YEATS2: variants seen among roughly 807,000 people sequenced by gnomAD.
YEATS2 encodes the protein YEATS domain containing 2.
YEATS2 carries 77 observed loss-of-function variants against 163.2 expected under a neutral mutation model. That is an observed-to-expected ratio of 0.47 (90% CI 0.39 to 0.57). The LOEUF is 0.57. Ranked by LOEUF, YEATS2 falls within the 20% of genes least tolerant of loss-of-function variation. The pLI, the probability that YEATS2 is intolerant of heterozygous loss-of-function variation, is 0.00. For missense variants in YEATS2, 1,549 were observed against 1,729.8 expected (o/e 0.90, Z 1.85); for synonymous variants, 631 against 645.1 (o/e 0.98, Z 0.33).
chr3:183,725,041 CT>C (rs62826962), intron 6 of YEATS2, among the ~76,000 whole-genome samples: 11,184 of 87,498 alleles, frequency 0.13, 517 homozygotes, highest in East Asian at 0.26. Flanking sequence ...CCGTGCCGGC[CT>C]TTTTTTTTTT....
At chr3:183,775,589 G>A (rs931198302) in intron 17 of YEATS2, among the ~76,000 whole-genome samples, 5 of 152,114 alleles carry the variant, frequency 3.3e-5, no homozygotes, top group Admixed American at 2.0e-4. Flanking sequence ...GTGAGACTCC[G>A]TCTCAAAAAA....
chr3:183,782,099 GTTAATTTT>G (rs1178200164), intron 19 of YEATS2, among the ~76,000 whole-genome samples: 1 of 151,860 alleles, frequency 6.6e-6, no homozygotes, highest in South Asian at 2.1e-4. Flanking sequence ...TTATTCTTGA[GTTAATTTT>G]TTAATTTTTT....
intron 1 of YEATS2, among the ~76,000 whole-genome samples, chr3:183,707,156 A>G (rs1050273865): frequency 3.3e-5 from 5 of 152,206 alleles, no homozygotes; most frequent in Non-Finnish European, 5.9e-5. Context: ...TTCTGGTCCC[A>G]GGCATCTTGG....
rs1721405930 is a variant in YEATS2 at position 183,762,010 on chromosome 3, T to C, written c.1765-87T>C. On this transcript the variant is annotated intron_variant, in intron 14 of 30. Transcript: ENST00000305135. ...CAAGTTTCATCAATTCATTAATCCC[T>C]GCAAACGGAGAAGAGTCAGATATTA... The C allele has an allele frequency of 3.8e-6, 6 of 1,562,572 alleles. No individual in the cohort carries two copies. The Admixed American group carries it at 6.7e-5, about 18-fold the overall frequency.
intron 9 of YEATS2, 50 bp from the exon 10 acceptor site, chr3:183,752,023 T>G: frequency 6.2e-7 from 1 of 1,601,010 alleles, no homozygotes; most frequent in Non-Finnish European, 8.5e-7. Context: ...TTGAGCTTTC[T>G]GTGACATTGA....
intron 16 of YEATS2, among the ~76,000 whole-genome samples, 189 bp downstream of exon 16, chr3:183,772,752 T>C (rs1722598405): frequency 7.3e-6 from 1 of 137,492 alleles, no homozygotes; most frequent in South Asian, 2.3e-4. Flanking sequence ...TATTTAGCTT[T>C]AAATTTACAC....
In YEATS2 at chr3:183,716,021, G is replaced by A. The variant is rs150346897; in HGVS notation, c.100+759G>A. 1.7e-3 allele frequency among the ~76,000 whole-genome samples: 257 copies of A among 152,034 alleles called. 2 individuals are homozygous for A. Among genetic ancestry groups the A allele is most frequent in the African/African-American group, 5.5e-3 (230 of 41,504 alleles). On this transcript the variant is annotated intron_variant, in intron 2 of 30. Transcript: ENST00000305135. ...GTCCCCCAGGCTGGAGTGCAGTGGC[G>A]TGATCTCGGCTCACTGCAAGCTCTG...
chr3:183,797,792 G>C, intron 21 of YEATS2, 131 bp from the exon 22 acceptor site: 1 of 1,107,632 alleles, frequency 9.0e-7, no homozygotes, highest in South Asian at 1.5e-5. Flanking sequence ...CCTGCTTCTT[G>C]CTCTTTGTTT....
chr3:183,749,974 C>T (rs544317924), intron 9 of YEATS2, among the ~76,000 whole-genome samples: 9 of 152,102 alleles, frequency 5.9e-5, no homozygotes, highest in Admixed American at 2.6e-4. Flanking sequence ...CCTGCCACCA[C>T]GCCCGGCTAA....
At chr3:183,800,672 G>A in intron 24 of YEATS2, 104 bp downstream of exon 24, 1 of 892,256 alleles carries the variant, frequency 1.1e-6, no homozygotes, top group Non-Finnish European at 1.8e-6. Context: ...CTAAGCCCTT[G>A]ACGGGAGGAA....
In YEATS2 at chr3:183,804,658, A is replaced by G. The variant is rs1264943578; in HGVS notation, c.3784+470A>G. 2.6e-5 allele frequency among the ~76,000 whole-genome samples: 4 copies of G among 152,296 alleles called. No individual in the cohort carries two copies. In the South Asian group the frequency reaches 8.3e-4, roughly 32 times the overall value. On this transcript the variant is annotated intron_variant, in intron 27 of 30. Coordinates refer to ENST00000305135, the MANE Select transcript of YEATS2 (RefSeq NM_018023.5). ...CGGGAGGCACTTGTGAAAACTAGTA[A>G]TGTTGCAGGTGAAATGAATTGTTTC...
intron 7 of YEATS2, among the ~76,000 whole-genome samples, chr3:183,729,396 C>T (rs1247547458): frequency 6.6e-6 from 1 of 152,058 alleles, no homozygotes; most frequent in Admixed American, 6.5e-5. Flanking sequence ...CCTCTGGAAA[C>T]AGCTAAACTT....
intron 16 of YEATS2, among the ~76,000 whole-genome samples, chr3:183,773,190 A>G (rs528652978): frequency 1.4e-3 from 209 of 152,328 alleles, no homozygotes; most frequent in African/African-American, 4.8e-3. Flanking sequence ...GGCCAATGGT[A>G]CTTGCCAGTT....
intron 13 of YEATS2, among the ~76,000 whole-genome samples, chr3:183,760,485 G>A (rs546692237): frequency 1.3e-5 from 2 of 152,014 alleles, no homozygotes; most frequent in Non-Finnish European, 2.9e-5. Context: ...CCCACGCCCG[G>A]ATAATTTTGT....
rs377477075 is a variant in YEATS2 at position 183,724,565 on chromosome 3, C to T, written c.650+34C>T. On this transcript the variant is annotated intron_variant, in intron 6 of 30. Transcript: ENST00000305135. Reference sequence around the variant, plus strand: ...CCAGTTGAATTTATTTTTATTTGTCCATTTGTGTTAATATTTTGGCATTAA... The same window carrying T: ...CCAGTTGAATTTATTTTTATTTGTCTATTTGTGTTAATATTTTGGCATTAA... 11 of 1,500,164 alleles carry T rather than the reference C, an allele frequency of 7.3e-6. No individual in the cohort carries two copies. The African/African-American group carries it at 1.4e-4, about 19-fold the overall frequency. 92.9% of individuals were successfully genotyped at this position (1,500,164 alleles called of 1,614,324 possible).
intron 10 of YEATS2, among the ~76,000 whole-genome samples, chr3:183,753,768 A>T (rs183192306): frequency 1.4e-3 from 216 of 152,224 alleles, no homozygotes; most frequent in African/African-American, 5.1e-3. Context: ...AATAAATAAG[A>T]TAGGAGGATA....
chr3:183,804,154 C>G lies in YEATS2; in HGVS notation c.3750C>G (p.Ile1250Met). The change falls in exon 27 of 31, where the codon ATC (isoleucine) becomes ATG (methionine). Residue 1250 changes from isoleucine to methionine, a missense_variant. Ile to Met is a conservative substitution (Grantham distance 10). Coordinates refer to ENST00000305135, the MANE Select transcript of YEATS2 (RefSeq NM_018023.5). ...PESLRNDGDS[I>M]EDVLTQIDSE... ...GCCTGAGGAATGACGGGGACTCCAT[C>G]GAGGACGTGCTGACCCAGATCGACA... 2 of 1,614,154 alleles carry G rather than the reference C, an allele frequency of 1.2e-6. No individual in the cohort carries two copies. The highest frequency in any genetic ancestry group is 1.7e-6 in the Non-Finnish European group (2 of 1,180,044).
chr3:183,746,972 T>G (rs568247817), intron 8 of YEATS2, among the ~76,000 whole-genome samples: 1 of 152,154 alleles, frequency 6.6e-6, no homozygotes, highest in African/African-American at 2.4e-5. Context: ...TATATTGTTA[T>G]CACAAGTTCT....
At chr3:183,795,402 C>T (rs1252018480) in intron 21 of YEATS2, among the ~76,000 whole-genome samples, 1 of 150,854 alleles carries the variant, frequency 6.6e-6, no homozygotes, top group Non-Finnish European at 1.5e-5. Flanking sequence ...TGTCCTCCCA[C>T]TTCAGCCTCC....
Sources: allele counts gnomAD v4.1 joint callset (sites outside exome capture counted in the v4.1 genomes callset), GRCh38; gene constraint gnomAD v4.1.1; transcripts MANE v1.5; gene names NCBI Gene and HGNC (gene_info 2026-07-23, HGNC 2026-07-21).